The following CRYL1 variants were observed in gnomAD, a reference collection of about 807,000 sequenced individuals.
CRYL1 encodes the protein crystallin lambda 1.
Under a neutral mutation model 36.6 loss-of-function variants are expected in CRYL1, and 29 were observed. The ratio of observed to expected loss-of-function variants is 0.79; its 90% CI spans 0.59 to 1.08. CRYL1 has a LOEUF of 1.08. CRYL1 is among the 50% of genes least tolerant of loss of function. The pLI is 0.00. For synonymous variants in CRYL1, 152 were observed against 151.5 expected, an observed-to-expected ratio of 1.00 and a Z score of -0.02; for missense variants, 411 against 407.9, an observed-to-expected ratio of 1.01 and a Z score of -0.06.
At chr13:20,485,459 T>C (rs996506881) in intron 3 of CRYL1, among the ~76,000 whole-genome samples, 2 of 152,016 alleles carry the variant, frequency 1.3e-5, no homozygotes, top group Non-Finnish European at 2.9e-5. Context: ...GGTCAGGAGT[T>C]AGAGAGCAGC....
At chr13:20,414,600 G>T (rs1033464181) in intron 5 of CRYL1, among the ~76,000 whole-genome samples, 1 of 152,184 alleles carries the variant, frequency 6.6e-6, no homozygotes, top group African/African-American at 2.4e-5. Flanking sequence ...CGTAAAAAGT[G>T]ATATTCTTTG....
chr13:20,442,995 C>T (rs1397768345), intron 3 of CRYL1, among the ~76,000 whole-genome samples: 6 of 152,230 alleles, frequency 3.9e-5, no homozygotes, highest in African/African-American at 1.4e-4. Flanking sequence ...CAGCAGCTGA[C>T]AGGTGAGGCA....
In CRYL1 at chr13:20,431,310, C is replaced by A. The variant is rs1024035381; in HGVS notation, c.633+792G>T. On this transcript the variant is annotated intron_variant, in intron 5 of 7. Transcript: ENST00000298248. ...TGACTCGAGCCCGAGCAGCGTCCTC[C>A]CTACGCGGTGCAGCTGGGTACTTCC... The A allele has an allele frequency of 7.1e-6, 7 of 985,320 alleles. No individual in the cohort carries two copies. The African/African-American group carries it at 1.2e-4, about 17-fold the overall frequency. The allele number at this position is 985,320 out of a possible 1,614,324, so 61.0% of individuals were successfully genotyped here.
rs770237663 is a variant in CRYL1 at position 20,432,113 on chromosome 13, G to A, written c.622C>T (p.Arg208Trp). ...LQYAIISEAW[R>W]LVEEGIVSPS... ...ACGGGCACACACACCTCCACTAGCC[G>A]CCAGGCCTCGCTGATGATTGCATAT... Residue 208 changes from arginine (R) to tryptophan (W), a missense_variant, in exon 5 of 8, where the codon CGG (arginine) becomes TGG (tryptophan). Coordinates refer to ENST00000298248, the MANE Select transcript of CRYL1 (RefSeq NM_015974.3). The A allele has an allele frequency of 7.4e-6, 12 of 1,614,102 alleles. No homozygotes were observed. Among genetic ancestry groups the A allele is most frequent in the Middle Eastern group, 1.6e-4 (1 of 6,062 alleles).
At chr13:20,416,325 A>G (rs888557716) in intron 5 of CRYL1, among the ~76,000 whole-genome samples, 1 of 152,200 alleles carries the variant, frequency 6.6e-6, no homozygotes, top group African/African-American at 2.4e-5. Context: ...GGGTCGGGGC[A>G]TCACGGGGGC....
chr13:20,459,037 C>T (rs1196741387), intron 3 of CRYL1, among the ~76,000 whole-genome samples: 1 of 151,976 alleles, frequency 6.6e-6, no homozygotes, highest in Non-Finnish European at 1.5e-5. Flanking sequence ...AGATCAAGAC[C>T]ATCCTGGCTA....
chr13:20,515,422 T>C (rs879943808), intron 1 of CRYL1, among the ~76,000 whole-genome samples: 2 of 152,168 alleles, frequency 1.3e-5, no homozygotes, highest in Admixed American at 6.5e-5. Context: ...ACTTAAATTT[T>C]CATAAGAGTG....
At chr13:20,466,711 T>TGTGTGTGTGTGTGTGTGTGTG in intron 3 of CRYL1, among the ~76,000 whole-genome samples, 1 of 151,458 alleles carries the variant, frequency 6.6e-6, no homozygotes, top group African/African-American at 2.4e-5. Context: ...TGTGTGTGTG[T>TGTGTGTGTGTGTGTGTGTGTG]AGTTGAAGTT....
At chr13:20,487,035 A>G (rs2137469465) in intron 3 of CRYL1, among the ~76,000 whole-genome samples, 2 of 152,310 alleles carry the variant, frequency 1.3e-5, no homozygotes, top group South Asian at 4.1e-4. Flanking sequence ...CACTTTATAA[A>G]AAACAATATA....
chr13:20,472,752 G>A (rs1244784118), intron 3 of CRYL1, among the ~76,000 whole-genome samples: 5 of 152,216 alleles, frequency 3.3e-5, no homozygotes, highest in Non-Finnish European at 5.9e-5. Flanking sequence ...TCGCAGGGTG[G>A]GGATTCGCTC....
chr13:20,428,267 G>A (rs1354716710), intron 5 of CRYL1, among the ~76,000 whole-genome samples: 2 of 152,118 alleles, frequency 1.3e-5, no homozygotes, highest in Non-Finnish European at 1.5e-5. Context: ...CAAAGGAAAT[G>A]GTCACTGGAG....
rs183661460 is a variant in CRYL1 at position 20,503,009 on chromosome 13, C to T, written c.149+9434G>A. Reference sequence around the variant, plus strand: ...ATGCCGGAAGCACGCAGGATCATACCGGAAGCGCACGGCCTCAGAATATGC... The same window carrying T: ...ATGCCGGAAGCACGCAGGATCATACTGGAAGCGCACGGCCTCAGAATATGC... On this transcript the variant is annotated intron_variant, in intron 2 of 7. Transcript: ENST00000298248. Among the ~76,000 whole-genome samples the T allele has an allele frequency of 2.8e-3, 424 of 151,830 alleles. 12 individuals are homozygous for T. In the South Asian group the frequency reaches 0.067, roughly 24 times the overall value.
chr13:20,474,394 T>C (rs535985764), intron 3 of CRYL1, among the ~76,000 whole-genome samples: 2 of 152,200 alleles, frequency 1.3e-5, no homozygotes, highest in South Asian at 4.2e-4. Context: ...ATATCTGAGC[T>C]GGGAGGAGAG....
At chr13:20,507,490 C>T (rs1409959247) in intron 2 of CRYL1, among the ~76,000 whole-genome samples, 2 of 152,186 alleles carry the variant, frequency 1.3e-5, no homozygotes, top group African/African-American at 4.8e-5. Context: ...TAAAGCATGA[C>T]CTAATCAGAG....
intron 5 of CRYL1, among the ~76,000 whole-genome samples, chr13:20,423,524 T>A (rs973146218): frequency 1.3e-5 from 2 of 152,218 alleles, no homozygotes; most frequent in Non-Finnish European, 2.9e-5. Flanking sequence ...GATGATCATA[T>A]GGTTGTCCTG....
intron 3 of CRYL1, among the ~76,000 whole-genome samples, chr13:20,459,687 G>T (rs916172317): frequency 1.3e-5 from 2 of 152,078 alleles, no homozygotes; most frequent in Non-Finnish European, 2.9e-5. Flanking sequence ...CAGACATTGG[G>T]GCCTATTTAG....
intron 5 of CRYL1, among the ~76,000 whole-genome samples, chr13:20,429,908 G>C (rs1026191415): frequency 6.6e-5 from 10 of 152,294 alleles, no homozygotes; most frequent in African/African-American, 1.9e-4. Flanking sequence ...TGGCACGCTG[G>C]TTGTGACCTT....
At chr13:20,466,714 T>C (rs1328643455) in intron 3 of CRYL1, among the ~76,000 whole-genome samples, 4 of 24,800 alleles carry the variant, frequency 1.6e-4, no homozygotes, top group Non-Finnish European at 3.8e-4. Context: ...GTGTGTGTAG[T>C]TGAAGTTGCA....
At chr13:20,498,611 GCATTAA>G (rs1666477021) in intron 2 of CRYL1, among the ~76,000 whole-genome samples, 2 of 152,292 alleles carry the variant, frequency 1.3e-5, no homozygotes, top group East Asian at 3.9e-4. Context: ...ATTAAAATTA[GCATTAA>G]CATTAATAAT....
Sources: allele counts gnomAD v4.1 joint callset (sites outside exome capture counted in the v4.1 genomes callset), GRCh38; gene constraint gnomAD v4.1.1; transcripts MANE v1.5; gene names NCBI Gene and HGNC (gene_info 2026-07-23, HGNC 2026-07-21).